Variants in RPE observed in about 807,000 individuals in gnomAD.
RPE encodes the protein ribulose-5-phosphate-3-epimerase, also known as ribulose-phosphate 3-epimerase.
Under a neutral mutation model 24.6 loss-of-function variants are expected in RPE, and 16 were observed. The observed-to-expected ratio is 0.65, with a 90% CI of 0.44 to 0.99. The LOEUF is 0.99. Among genes scored for constraint, RPE ranks in the 50% least tolerant of loss-of-function variants. The probability of loss-of-function intolerance (pLI) is 0.00; values close to 1 mark genes in which losing one functional copy is unlikely to be tolerated. For synonymous variants in RPE, 93 were observed against 98.4 expected (o/e 0.94, Z 0.33); for missense variants, 240 against 294.5 (o/e 0.81, Z 1.35).
chr2:210,017,951 G>A, intron 5 of RPE: 1 of 574,870 alleles, frequency 1.7e-6, no homozygotes. Flanking sequence ...CACTATGTTG[G>A]CCAGGCTGGT....
At chr2:210,014,202 C>T (rs1418148808) in intron 2 of RPE, among the ~76,000 whole-genome samples, 1 of 152,044 alleles carries the variant, frequency 6.6e-6, no homozygotes, top group Non-Finnish European at 1.5e-5. Context: ...CGCTGTTCTG[C>T]CTCAGCCTCT....
At chr2:210,009,565 C>CAG in intron 1 of RPE, 92 bp from the exon 2 acceptor site, 1 of 1,496,738 alleles carries the variant, frequency 6.7e-7, no homozygotes, top group Non-Finnish European at 9.3e-7. Flanking sequence ...ACATTGCAGA[C>CAG]AATCCCCTCA....
chr2:210,011,291 G>A (rs1384195666), intron 2 of RPE, among the ~76,000 whole-genome samples: 1 of 152,164 alleles, frequency 6.6e-6, no homozygotes, highest in Non-Finnish European at 1.5e-5. Context: ...AATTACGGTT[G>A]TTCTCATGAC....
At chr2:210,011,358 C>T (rs2093696711) in intron 2 of RPE, among the ~76,000 whole-genome samples, 1 of 152,090 alleles carries the variant, frequency 6.6e-6, no homozygotes, top group African/African-American at 2.4e-5. Flanking sequence ...AACCAATGGC[C>T]AGAATCCTCG....
chr2:210,006,393 G>T (rs886636904), intron 1 of RPE, among the ~76,000 whole-genome samples: 1 of 152,068 alleles, frequency 6.6e-6, no homozygotes. Flanking sequence ...ATGGCTTAGC[G>T]TAGCCTTTGG....
chr2:210,012,127 T>C (rs2093708633), intron 2 of RPE, among the ~76,000 whole-genome samples: 1 of 152,250 alleles, frequency 6.6e-6, no homozygotes, highest in African/African-American at 2.4e-5. Context: ...AGTTTTCATA[T>C]TGAGTAGAAA....
At chr2:210,009,855 T>C in intron 2 of RPE, 119 bp downstream of exon 2, 4 of 1,359,832 alleles carry the variant, frequency 2.9e-6, no homozygotes, top group Non-Finnish European at 4.2e-6. Flanking sequence ...CTATCCTGGG[T>C]CTTCATTGGC....
intron 5 of RPE, chr2:210,018,716 A>G (rs1017269866): frequency 2.0e-6 from 2 of 985,240 alleles, no homozygotes; most frequent in African/African-American, 3.5e-5. Context: ...TGCCAGAGGT[A>G]GCAAATTTTT....
chr2:210,016,671 G>C, intron 4 of RPE, 30 bp downstream of exon 4: 1 of 1,613,792 alleles, frequency 6.2e-7, no homozygotes, highest in South Asian at 1.1e-5. Context: ...TTGGGGTGAG[G>C]CTTTTACAGT....
rs747630937 is a variant in RPE at position 210,009,637 on chromosome 2, A to G, written c.123-20A>G. On this transcript the variant is annotated intron_variant, in intron 1 of 5. Coordinates refer to ENST00000359429, the MANE Select transcript of RPE (RefSeq NM_199229.3). ...ACTGAATTGAAAACATTTTCAGAGT[A>G]GATTTTGTTTGTCTTGTAGGCATTT... 7.4e-6 allele frequency: 12 copies of G among 1,614,046 alleles called. No individual in the cohort carries two copies. The Admixed American group carries it at 1.2e-4, about 16-fold the overall frequency.
rs2093837591 is a variant in RPE, at chr2:210,020,041, ATAAAG to A, written c.*255_*259del. ...GTTTTTATTGAGAGATTTGATTTTTATAAAGTAAAAATACGGCTGCATTAGGGTTA... is the reference window on the plus strand; with the variant it reads ...GTTTTTATTGAGAGATTTGATTTTTATAAAAATACGGCTGCATTAGGGTTA... On this transcript the variant is annotated 3_prime_UTR_variant, in exon 6 of 6. Transcript: ENST00000359429. The A allele has an allele frequency of 3.2e-6, 1 of 309,392 alleles. No individual in the cohort carries two copies. Among genetic ancestry groups the A allele is most frequent in the Non-Finnish European group, 6.1e-6 (1 of 165,042 alleles). The allele number at this position is 309,392 out of a possible 1,614,324, so 19.2% of individuals were successfully genotyped here.
At chr2:210,009,045 A>C (rs911814107) in intron 1 of RPE, among the ~76,000 whole-genome samples, 1 of 152,196 alleles carries the variant, frequency 6.6e-6, no homozygotes, top group African/African-American at 2.4e-5. Context: ...TGAGTTACTT[A>C]AGGATTTTAT....
rs1175763713 is a variant in RPE at position 210,016,064 on chromosome 2, T to G, written c.294T>G (p.Thr98=). ...AGTACACCTTTCATCTCGAGGCTAC[T>G]GAGAACCCAGGGGCTTTGATTAAAG... ...ANQYTFHLEA[T]ENPGALIKDI... Residue 98 remains threonine (T), a synonymous_variant, in exon 3 of 6, where the codon ACT becomes ACG. Coordinates refer to ENST00000359429, the MANE Select transcript of RPE (RefSeq NM_199229.3). The G allele has an allele frequency of 6.2e-7, 1 of 1,614,110 alleles. No individual in the cohort carries two copies. Among genetic ancestry groups the G allele is most frequent in the Non-Finnish European group, 8.5e-7 (1 of 1,180,060 alleles).
intron 1 of RPE, among the ~76,000 whole-genome samples, chr2:210,004,815 C>T (rs544969710): frequency 6.6e-6 from 1 of 152,238 alleles, no homozygotes; most frequent in Admixed American, 6.5e-5. Flanking sequence ...TGTCCCCTTG[C>T]AGCTCTATGG....
At chr2:210,018,114 A>C (rs2093804013) in intron 5 of RPE, 1 of 1,507,060 alleles carries the variant, frequency 6.6e-7, no homozygotes, top group Admixed American at 2.2e-5. Context: ...GGAAGGCTGA[A>C]GAAAGTTCTT....
At chr2:210,018,095 G>T (rs1575324846) in intron 5 of RPE, 2 of 1,458,316 alleles carry the variant, frequency 1.4e-6, no homozygotes, top group Middle Eastern at 3.8e-4. Flanking sequence ...GTAAATCCTG[G>T]TTTTCTCAGG....
chr2:210,019,943 C>G lies in RPE; in HGVS notation c.*152C>G. The G allele has an allele frequency of 9.7e-7, 1 of 1,030,422 alleles. No homozygotes were observed. The highest frequency in any genetic ancestry group is 3.3e-4 in the Middle Eastern group (1 of 3,014). The allele number at this position is 1,030,422 out of a possible 1,614,324, so 63.8% of individuals were successfully genotyped here. A position where few individuals can be genotyped will look rare whatever the true frequency, so the allele number is the denominator to read the frequency against. Reference sequence around the variant, plus strand: ...ATTAAAACTGATTGTGCAGAATATTCTAAGAGGTCAGAAATTGGTGTGTAT... The same window carrying G: ...ATTAAAACTGATTGTGCAGAATATTGTAAGAGGTCAGAAATTGGTGTGTAT... On this transcript the variant is annotated 3_prime_UTR_variant, in exon 6 of 6. Coordinates refer to ENST00000359429, the MANE Select transcript of RPE (RefSeq NM_199229.3).
At chr2:210,007,313 C>T (rs1442246819) in intron 1 of RPE, among the ~76,000 whole-genome samples, 1 of 152,234 alleles carries the variant, frequency 6.6e-6, no homozygotes, top group Non-Finnish European at 1.5e-5. Context: ...CCCTCCCACA[C>T]ACCTAATCAT....
chr2:210,018,335 G>C (rs951305656), intron 5 of RPE: 133 of 1,408,996 alleles, frequency 9.4e-5, no homozygotes, highest in Non-Finnish European at 1.2e-4. Context: ...AACCATTTTT[G>C]ATGAAAATCT....
Sources: allele counts gnomAD v4.1 joint callset (sites outside exome capture counted in the v4.1 genomes callset), GRCh38; gene constraint gnomAD v4.1.1; transcripts MANE v1.5; gene names NCBI Gene and HGNC (gene_info 2026-07-23, HGNC 2026-07-21).